The following UBXN8 variants were observed in gnomAD, a reference collection of about 807,000 sequenced individuals.
UBXN8 encodes the protein UBX domain protein 8, also known as UBX domain-containing protein 8.
In UBXN8, 27 loss-of-function variants were observed where a neutral mutation model predicts 32.1. That is an observed-to-expected ratio of 0.84 (90% CI 0.62 to 1.16). The LOEUF is 1.16. Ranked by LOEUF, UBXN8 falls within the 50% of genes most tolerant of loss-of-function variation. UBXN8 has a pLI of 0.00. For synonymous variants in UBXN8, 109 were observed against 111.8 expected (o/e 0.98, Z 0.16); for missense variants, 306 against 311.4 (o/e 0.98, Z 0.13).
chr8:30,744,223 C>T lies in UBXN8; in HGVS notation c.34C>T (p.Leu12Phe), dbSNP rs368905784. ...ACGTGGGGTTGTTGGCATTTTCTTCCTCTCTGCTGTCCCCCTTGTGTGTCT... is the reference window on the plus strand; with the variant it reads ...ACGTGGGGTTGTTGGCATTTTCTTCTTCTCTGCTGTCCCCCTTGTGTGTCT... ...ASRGVVGIFFLSAVPLVCLEL... is the reference protein window; with the variant it reads ...ASRGVVGIFFFSAVPLVCLEL... Residue 12 changes from leucine (L) to phenylalanine (F), a missense_variant, in exon 1 of 8, where the codon CTC becomes TTC. Physicochemically the swap from Leu to Phe is conservative, Grantham distance 22 (BLOSUM62 0). Coordinates refer to ENST00000265616, the MANE Select transcript of UBXN8 (RefSeq NM_005671.4). The T allele has an allele frequency of 1.2e-6, 2 of 1,613,886 alleles. No individual in the cohort carries two copies. The highest frequency in any genetic ancestry group is 1.7e-6 in the Non-Finnish European group (2 of 1,179,848).
chr8:30,731,059 G>A (rs372019485), upstream of UBXN8, among the ~76,000 whole-genome samples: 1 of 152,374 alleles, frequency 6.6e-6, no homozygotes, highest in South Asian at 2.1e-4. Context: ...CTGGCTGTCA[G>A]AGCTTGCAGC....
chr8:30,766,424 A>C lies in UBXN8; in HGVS notation c.*30A>C, dbSNP rs887894704. 1.9e-6 allele frequency: 3 copies of C among 1,548,640 alleles called. No homozygotes were observed. The highest frequency in any genetic ancestry group is 2.0e-5 in the Admixed American group (1 of 50,586). On this transcript the variant is annotated 3_prime_UTR_variant, in exon 8 of 8. Transcript: ENST00000265616. ...GAAGGGAGAGCTCCCTGTTTGCATGAAGTCAGTTATGCTATGACCTTCTGG... is the reference window on the plus strand; with the variant it reads ...GAAGGGAGAGCTCCCTGTTTGCATGCAGTCAGTTATGCTATGACCTTCTGG...
Position 30,744,278 on chromosome 8 carries a change from G to GT in UBXN8, c.88+2dup. 6.2e-7 allele frequency: 1 copy of GT among 1,613,154 alleles called. No homozygotes were observed. Among genetic ancestry groups the GT allele is most frequent in the Non-Finnish European group, 8.5e-7 (1 of 1,179,540 alleles). On this transcript the variant is annotated splice_donor_variant, in intron 1 of 7. Transcript: ENST00000265616. LOFTEE classifies it high-confidence loss of function. The stretch of plus-strand genomic sequence containing the variant: ...CTCCGGCGTGGGATCCCGGATATAG[G>GT]TAAGTGTGACTTTTTCCCTTCGACA...
intron 5 of UBXN8, among the ~76,000 whole-genome samples, chr8:30,760,359 C>G: frequency 6.8e-6 from 1 of 148,106 alleles, no homozygotes; most frequent in East Asian, 2.0e-4. Flanking sequence ...CTGCGCCCAG[C>G]TGATACATGT....
At chr8:30,765,712 C>T (rs1190263053) in intron 7 of UBXN8, among the ~76,000 whole-genome samples, 1 of 151,872 alleles carries the variant, frequency 6.6e-6, no homozygotes, top group East Asian at 1.9e-4. Context: ...CGCCACCACG[C>T]CTGGCTAATT....
intron 1 of UBXN8, among the ~76,000 whole-genome samples, chr8:30,750,759 C>T (rs988753153): frequency 1.2e-4 from 14 of 121,308 alleles, no homozygotes; most frequent in Admixed American, 3.0e-4. Flanking sequence ...GGCAACAGAG[C>T]GAGACTCTGT....
chr8:30,730,473 G>T (rs1230733302), upstream of UBXN8, among the ~76,000 whole-genome samples: 1 of 152,148 alleles, frequency 6.6e-6, no homozygotes, highest in African/African-American at 2.4e-5. Flanking sequence ...AGTGCTCCAA[G>T]CAGCAACTAA....
In UBXN8 at chr8:30,763,335, C is replaced by T. The variant is rs1275692079; in HGVS notation, c.633C>T (p.Ser211=). The change falls in exon 7 of 8, where the codon TCC becomes TCT. Residue 211 remains serine (S), a synonymous_variant. Transcript: ENST00000265616. ...GNVLRRRFLK[S]YSSQVLFDWM... ...TCCTGAGGAGAAGGTTTTTGAAGTC[C>T]TACAGCTCACAGGTAAGTGAAGGAA... is the stretch of plus-strand genomic sequence containing the variant. The T allele has an allele frequency of 1.4e-5, 23 of 1,613,716 alleles. No homozygotes were observed. The highest frequency in any genetic ancestry group is 1.9e-5 in the Non-Finnish European group (22 of 1,179,628).
At chr8:30,742,296 A>T (rs1448508375), upstream of UBXN8, among the ~76,000 whole-genome samples, 1 of 152,240 alleles carries the variant, frequency 6.6e-6, no homozygotes, top group Admixed American at 6.5e-5. Context: ...TAGCCTATAT[A>T]CAAAGGAAAG....
Position 30,758,898 on chromosome 8 carries a change from T to G in UBXN8, c.529-1990T>G, listed in dbSNP as rs1309061969. On this transcript the variant is annotated intron_variant, in intron 5 of 7. Coordinates refer to ENST00000265616, the MANE Select transcript of UBXN8 (RefSeq NM_005671.4). Reference sequence around the variant, plus strand: ...TTTTTTTTGTTTGTTTTTTTTGTTTTTTTTTTTTTTTTTGAGACGGAGTCT... The same window carrying G: ...TTTTTTTTGTTTGTTTTTTTTGTTTGTTTTTTTTTTTTTGAGACGGAGTCT... Among the ~76,000 whole-genome samples, 279 of 136,476 alleles carry G rather than the reference T, an allele frequency of 2.0e-3. 9 individuals are homozygous for G. The highest frequency in any genetic ancestry group is 6.8e-3 in the African/African-American group (236 of 34,624). 89.5% of individuals were successfully genotyped at this position (136,476 alleles called of 152,430 possible).
At chr8:30,758,900 T>TTTTTTTTTTTTTTTTTTTG (rs1554578741) in intron 5 of UBXN8, among the ~76,000 whole-genome samples, 7 of 121,994 alleles carry the variant, frequency 5.7e-5, no homozygotes, top group Non-Finnish European at 6.6e-5. Context: ...TTTTGTTTTT[T>TTTTTTTTTTTTTTTTTTTG]TTTTTTTTTT....
chr8:30,756,965 G>C lies in UBXN8; in HGVS notation c.528+78G>C. The C allele has an allele frequency of 3.2e-6, 5 of 1,570,494 alleles. No homozygotes were observed. In the South Asian group the frequency reaches 4.7e-5, roughly 15 times the overall value. On this transcript the variant is annotated intron_variant, in intron 5 of 7. Transcript: ENST00000265616. ...TGAACTCTGGGTGAGGTGGTATACT[G>C]GGTGAAGATCAGGACTGGCCTTTCA...
chr8:30,763,534 T>C (rs1006129150), intron 7 of UBXN8, among the ~76,000 whole-genome samples, 187 bp downstream of exon 7: 1 of 152,238 alleles, frequency 6.6e-6, no homozygotes, highest in Non-Finnish European at 1.5e-5. Context: ...CGGATGTCTC[T>C]GAATTGTGAT....
upstream of UBXN8, among the ~76,000 whole-genome samples, chr8:30,741,622 T>C (rs1159684979): frequency 6.6e-6 from 1 of 151,984 alleles, no homozygotes; most frequent in Non-Finnish European, 1.5e-5. Flanking sequence ...AGGCTAATTT[T>C]TGTATTTTTC....
intron 1 of UBXN8, among the ~76,000 whole-genome samples, chr8:30,748,289 G>A (rs1316315895): frequency 1.3e-5 from 2 of 150,698 alleles, no homozygotes; most frequent in African/African-American, 2.4e-5. Context: ...CCATGCCCAA[G>A]AAAGGAGGAT....
chr8:30,757,914 T>C (rs1247817859), intron 5 of UBXN8, among the ~76,000 whole-genome samples: 1 of 149,802 alleles, frequency 6.7e-6, no homozygotes, highest in Non-Finnish European at 1.5e-5. Flanking sequence ...TGAGACAGAG[T>C]CTCACTCTGT....
intron 4 of UBXN8, chr8:30,756,124 A>C (rs1293182095): frequency 1.3e-5 from 2 of 151,844 alleles, no homozygotes; most frequent in East Asian, 3.9e-4. Context: ...TCTCAGGTTC[A>C]AGCAATTCTT....
At chr8:30,736,340 G>A (rs1805069427) in intron 1 of UBXN8, among the ~76,000 whole-genome samples, 1 of 152,178 alleles carries the variant, frequency 6.6e-6, no homozygotes, top group Non-Finnish European at 1.5e-5. Flanking sequence ...TCTCTTTCAC[G>A]CTTTTGATCT....
At chr8:30,736,653 A>G (rs1805076043) in intron 1 of UBXN8, among the ~76,000 whole-genome samples, 1 of 152,058 alleles carries the variant, frequency 6.6e-6, no homozygotes, top group Non-Finnish European at 1.5e-5. Context: ...TTGTATTTTT[A>G]GTAGAGACAG....
Sources: allele counts gnomAD v4.1 joint callset (sites outside exome capture counted in the v4.1 genomes callset), GRCh38; gene constraint gnomAD v4.1.1; transcripts MANE v1.5; gene names NCBI Gene and HGNC (gene_info 2026-07-23, HGNC 2026-07-21).